Variants in PRSS3 observed in about 807,000 individuals in gnomAD.
The protein encoded by PRSS3 is serine protease 3, also known as trypsin-3.
A neutral mutation model predicts 20.8 loss-of-function variants in PRSS3; 14 were observed. That is an observed-to-expected ratio of 0.67 (90% CI 0.44 to 1.05). PRSS3 has a LOEUF of 1.05. Among genes scored for constraint, PRSS3 ranks in the 50% least tolerant of loss-of-function variants. The pLI is 0.00. For missense variants in PRSS3, 237 were observed against 306.4 expected (o/e 0.77, Z 1.69); for synonymous variants, 91 against 117.6 (o/e 0.77, Z 1.46).
chr9:33,766,289 A>AAAAAAGG (rs1263152118), intron 1 of PRSS3, among the ~76,000 whole-genome samples: 1 of 137,362 alleles, frequency 7.3e-6, no homozygotes, highest in Non-Finnish European at 1.6e-5. Flanking sequence ...AAAAAAAAAA[A>AAAAAAGG]GGAGCCGGGG....
intron 1 of PRSS3, among the ~76,000 whole-genome samples, chr9:33,753,242 C>T (rs928619607): frequency 1.3e-5 from 2 of 152,052 alleles, no homozygotes; most frequent in African/African-American, 4.8e-5. Flanking sequence ...TAGAAACTCT[C>T]ATTTGGTATA....
intron 1 of PRSS3, among the ~76,000 whole-genome samples, chr9:33,771,352 CTG>C (rs1336591938): frequency 2.0e-5 from 3 of 150,746 alleles, no homozygotes; most frequent in African/African-American, 4.9e-5. Context: ...GAGTCTTGCT[CTG>C]TCTCCCAGGC....
At chr9:33,756,203 C>T (rs778611258) in intron 1 of PRSS3, among the ~76,000 whole-genome samples, 4 of 152,190 alleles carry the variant, frequency 2.6e-5, no homozygotes, top group East Asian at 3.9e-4. Context: ...ATTTCCTGTC[C>T]GAATTTTGAA....
intron 1 of PRSS3, chr9:33,751,001 C>G: frequency 6.2e-6 from 4 of 644,400 alleles, no homozygotes; most frequent in Non-Finnish European, 6.9e-6. Context: ...GATGCGCACA[C>G]TACTCCCACC....
intron 1 of PRSS3, among the ~76,000 whole-genome samples, chr9:33,795,899 C>T (rs1383617375): frequency 6.6e-6 from 1 of 152,212 alleles, no homozygotes; most frequent in Admixed American, 6.5e-5. Context: ...TGGCAGGCTT[C>T]AGGCTTGGCT....
Position 33,756,543 on chromosome 9 carries a change from A to C in PRSS3, c.-53+5816A>C, listed in dbSNP as rs180853848. On this transcript the variant is annotated intron_variant, in intron 1 of 5. Coordinates refer to the PRSS3 transcript ENST00000342836. ...ACTTAAATTACTTAGACTGAATCTG[A>C]AAATGGGATCTCTTGGATTTGTCTT... Among the ~76,000 whole-genome samples, 8 of 152,314 alleles carry C rather than the reference A, an allele frequency of 5.3e-5. No homozygotes were observed. The East Asian group carries it at 5.8e-4, about 11-fold the overall frequency.
intron 1 of PRSS3, among the ~76,000 whole-genome samples, chr9:33,787,573 A>G (rs866907609): frequency 6.6e-6 from 1 of 152,232 alleles, no homozygotes; most frequent in Non-Finnish European, 1.5e-5. Flanking sequence ...TATTCCGTTT[A>G]CTATGTAATC....
rs1432392023 is a variant in PRSS3, at chr9:33,799,089, A to G, written c.653A>G (p.His218Arg). ...GQLQGVVSWG[H>R]GCAWKNRPGV... The stretch of plus-strand genomic sequence containing the variant: ...CTCCAAGGAGTTGTCTCCTGGGGCC[A>G]TGGCTGTGCCTGGAAGAACAGGCCT... The change falls in exon 5 of 5, where the codon CAT (histidine) becomes CGT (arginine). Residue 218 changes from histidine (H) to arginine (R), a missense_variant. Physicochemically the swap from His to Arg is conservative, Grantham distance 29 (BLOSUM62 0). Coordinates refer to ENST00000379405, the MANE Select transcript of PRSS3 (RefSeq NM_002771.4). The G allele has an allele frequency of 1.2e-6, 2 of 1,614,074 alleles. No individual in the cohort carries two copies. Among genetic ancestry groups the G allele is most frequent in the South Asian group, 2.2e-5 (2 of 91,080 alleles).
upstream of PRSS3, among the ~76,000 whole-genome samples, chr9:33,791,366 G>C (rs1824623416): frequency 6.6e-6 from 1 of 152,258 alleles, no homozygotes; most frequent in Non-Finnish European, 1.5e-5. Flanking sequence ...AGGCCCTCCT[G>C]GCCAAGACGA....
At chr9:33,760,542 C>A (rs572638533) in intron 1 of PRSS3, among the ~76,000 whole-genome samples, 2 of 152,034 alleles carry the variant, frequency 1.3e-5, no homozygotes, top group African/African-American at 4.8e-5. Context: ...GTCAGGAGAT[C>A]GAGACCATCC....
At chr9:33,755,751 A>C (rs1822912205) in intron 1 of PRSS3, among the ~76,000 whole-genome samples, 1 of 152,100 alleles carries the variant, frequency 6.6e-6, no homozygotes, top group African/African-American at 2.4e-5. Flanking sequence ...CCAAGAACTC[A>C]TTTCCTGGAG....
upstream of PRSS3, among the ~76,000 whole-genome samples, chr9:33,791,550 A>G (rs1824631454): frequency 6.6e-6 from 1 of 152,238 alleles, no homozygotes; most frequent in African/African-American, 2.4e-5. Flanking sequence ...TACACCATAT[A>G]TTAAACTCTG....
intron 1 of PRSS3, among the ~76,000 whole-genome samples, chr9:33,784,761 G>A (rs781215901): frequency 1.7e-4 from 26 of 152,104 alleles, no homozygotes; most frequent in Non-Finnish European, 3.1e-4. Context: ...TAGAGTGTTA[G>A]GCCTATCATT....
upstream of PRSS3, among the ~76,000 whole-genome samples, chr9:33,794,020 C>A (rs1430589573): frequency 2.0e-5 from 3 of 152,250 alleles, no homozygotes; most frequent in African/African-American, 4.8e-5. Context: ...AGTGGATCTC[C>A]TGGCTTTGGG....
intron 1 of PRSS3, among the ~76,000 whole-genome samples, chr9:33,752,725 A>G (rs1172702426): frequency 6.6e-6 from 1 of 152,230 alleles, no homozygotes; most frequent in Non-Finnish European, 1.5e-5. Context: ...AGACTATCTG[A>G]ATTTTAGCGA....
intron 1 of PRSS3, among the ~76,000 whole-genome samples, chr9:33,783,841 G>A (rs1156932212): frequency 1.4e-5 from 2 of 146,274 alleles, no homozygotes; most frequent in Non-Finnish European, 3.0e-5. Context: ...AGTGAGCCGG[G>A]ATCGCACCAC....
chr9:33,794,652 G>A (rs1202623940), upstream of PRSS3: 1 of 1,403,198 alleles, frequency 7.1e-7, no homozygotes, highest in Non-Finnish European at 9.4e-7. Context: ...GATTTACCAT[G>A]GTCCAAACTC....
intron 4 of PRSS3, 153 bp downstream of exon 4, chr9:33,798,775 T>C: frequency 7.7e-7 from 1 of 1,291,302 alleles, no homozygotes. Flanking sequence ...GGCGGCTCCC[T>C]GCATTGCCCC....
At chr9:33,781,578 C>A (rs1370770492) in intron 1 of PRSS3, among the ~76,000 whole-genome samples, 5 of 152,144 alleles carry the variant, frequency 3.3e-5, no homozygotes, top group Admixed American at 2.0e-4. Flanking sequence ...CTATTGGGTA[C>A]TATGTTTGCT....
Sources: gnomAD v4.1 joint callset for allele counts (sites outside exome capture counted in the v4.1 genomes callset) on GRCh38, gnomAD v4.1.1 for gene constraint, MANE v1.5 for transcripts, NCBI Gene and HGNC (gene_info 2026-07-23, HGNC 2026-07-21) for gene names.